Variants in EYS observed in about 807,000 individuals in gnomAD.
The protein encoded by EYS is protein eyes shut homolog.
A neutral mutation model predicts 282.1 loss-of-function variants in EYS; 250 were observed. The ratio of observed to expected loss-of-function variants is 0.89; its 90% confidence interval spans 0.80 to 0.98. The LOEUF is 0.98. EYS is among the 50% of genes least tolerant of loss of function. The pLI is 0.00. For missense variants in EYS, 4,016 were observed against 3,709.0 expected, an observed-to-expected ratio of 1.08 and a Z score of -2.15; for synonymous variants, 1,355 against 1,282.9, an observed-to-expected ratio of 1.06 and a Z score of -1.20.
intron 35 of EYS, among the ~76,000 whole-genome samples, chr6:63,909,767 G>A (rs1773869026): frequency 6.6e-6 from 1 of 152,138 alleles, no homozygotes; most frequent in African/African-American, 2.4e-5. Context: ...TGGTGTCTGA[G>A]CCACCCCCAG....
At chr6:64,206,527 C>A (rs1017759516) in intron 31 of EYS, among the ~76,000 whole-genome samples, 2 of 152,068 alleles carry the variant, frequency 1.3e-5, no homozygotes, top group Admixed American at 1.3e-4. Flanking sequence ...TGACTTTTGT[C>A]ATATTTGCAA....
chr6:64,716,766 A>T (rs78851489), intron 22 of EYS, among the ~76,000 whole-genome samples: 2 of 151,558 alleles, frequency 1.3e-5, no homozygotes, highest in African/African-American at 2.4e-5. Context: ...TTACGTTGAT[A>T]TTTTTTTTTC....
chr6:63,928,622 A>G (rs1162176627), intron 35 of EYS, among the ~76,000 whole-genome samples: 1 of 151,972 alleles, frequency 6.6e-6, no homozygotes, highest in Non-Finnish European at 1.5e-5. Context: ...ATTCTATCTC[A>G]CTTTAAATGG....
chr6:65,313,491 C>T (rs140526986), intron 11 of EYS, among the ~76,000 whole-genome samples: 3 of 151,318 alleles, frequency 2.0e-5, no homozygotes, highest in African/African-American at 2.4e-5. Context: ...CCTCCAAATA[C>T]GGTCTTTCTG....
intron 8 of EYS, among the ~76,000 whole-genome samples, chr6:65,370,257 T>TC (rs1491581457): frequency 1.1e-4 from 7 of 64,076 alleles, no homozygotes; most frequent in South Asian, 1.3e-3. Context: ...TTTCTCTCTC[T>TC]TTTTTTTTTT....
chr6:65,658,036 T>G (rs1464348595), intron 1 of EYS, among the ~76,000 whole-genome samples: 1 of 151,824 alleles, frequency 6.6e-6, no homozygotes, highest in Admixed American at 6.6e-5. Flanking sequence ...ATATGCACAT[T>G]GTTTTTTAGG....
chr6:64,700,036 T>C (rs1194883283), intron 22 of EYS, among the ~76,000 whole-genome samples: 1 of 151,946 alleles, frequency 6.6e-6, no homozygotes, highest in Non-Finnish European at 1.5e-5. Context: ...TAATATACCA[T>C]AATCAAGTGG....
intron 5 of EYS, among the ~76,000 whole-genome samples, chr6:65,410,539 T>C (rs1766946887): frequency 6.6e-6 from 1 of 151,606 alleles, no homozygotes; most frequent in Non-Finnish European, 1.5e-5. Flanking sequence ...CTACCCATTT[T>C]CCCTCTTCCT....
intron 12 of EYS, among the ~76,000 whole-genome samples, chr6:65,229,589 G>C (rs1276060528): frequency 6.6e-6 from 1 of 152,050 alleles, no homozygotes; most frequent in South Asian, 2.1e-4. Flanking sequence ...TCTAATGTAA[G>C]AGAAGACAAG....
At chr6:63,807,925 T>A (rs1770946764) in intron 36 of EYS, among the ~76,000 whole-genome samples, 1 of 152,160 alleles carries the variant, frequency 6.6e-6, no homozygotes, top group Admixed American at 6.5e-5. Context: ...TTAAAAACTA[T>A]GAAAATAGAA....
At chr6:64,596,917 C>T (rs560182077) in intron 24 of EYS, among the ~76,000 whole-genome samples, 4 of 152,186 alleles carry the variant, frequency 2.6e-5, no homozygotes, top group South Asian at 4.1e-4. Context: ...ACAGAGTGAA[C>T]AGATAACCTG....
chr6:63,721,264 G>A lies in EYS; in HGVS notation c.8767C>T (p.His2923Tyr), dbSNP rs1459462934. ...SVSCLNNLCL[H>Y]QSLCIPDQSF... ...TGGTCAGGTATACATAAAGATTGGT[G>A]GAGGCAAAGATTATTCAAACAGGAC... Residue 2923 changes from histidine to tyrosine, a missense_variant, in exon 43 of 43, where the codon CAC becomes TAC. By Grantham distance (83) the His-to-Tyr change is moderately conservative (BLOSUM62 2). Coordinates refer to ENST00000503581, the MANE Select transcript of EYS (RefSeq NM_001142800.2). The A allele has an allele frequency of 6.4e-7, 1 of 1,551,784 alleles. No individual in the cohort carries two copies. The highest frequency in any genetic ancestry group is 1.4e-5 in the African/African-American group (1 of 73,034).
chr6:65,415,196 G>T (rs1472275696), intron 5 of EYS, among the ~76,000 whole-genome samples: 1 of 152,016 alleles, frequency 6.6e-6, no homozygotes, highest in Non-Finnish European at 1.5e-5. Flanking sequence ...AAGAGGAAAT[G>T]AGAAGAATAA....
At chr6:64,259,619 C>T (rs1767514511) in intron 30 of EYS, among the ~76,000 whole-genome samples, 1 of 151,088 alleles carries the variant, frequency 6.6e-6, no homozygotes, top group Non-Finnish European at 1.5e-5. Context: ...CCAACCTACC[C>T]CCTACTCTCT....
At chr6:64,215,598 G>T (rs931517187) in intron 31 of EYS, among the ~76,000 whole-genome samples, 1 of 151,800 alleles carries the variant, frequency 6.6e-6, no homozygotes, top group Non-Finnish European at 1.5e-5. Context: ...AAATACCAAG[G>T]TATTTGCCAA....
intron 30 of EYS, among the ~76,000 whole-genome samples, chr6:64,294,117 T>C (rs1279253431): frequency 2.0e-5 from 3 of 151,650 alleles, no homozygotes; most frequent in Non-Finnish European, 2.9e-5. Context: ...TACACAGATA[T>C]AATTAGTATC....
intron 12 of EYS, among the ~76,000 whole-genome samples, chr6:65,211,869 G>A (rs1012885686): frequency 2.6e-5 from 4 of 151,848 alleles, no homozygotes; most frequent in African/African-American, 7.3e-5. Flanking sequence ...GAATAGGCTC[G>A]AATATCACTC....
intron 29 of EYS, among the ~76,000 whole-genome samples, chr6:64,315,649 C>G (rs1443631047): frequency 1.4e-5 from 2 of 144,632 alleles, no homozygotes; most frequent in Admixed American, 7.1e-5. Context: ...CAAAGAGGAG[C>G]TGGTACCATT....
At chr6:64,668,104 T>C (rs1391315138) in intron 22 of EYS, among the ~76,000 whole-genome samples, 3 of 152,174 alleles carry the variant, frequency 2.0e-5, no homozygotes, top group African/African-American at 7.2e-5. Context: ...TATAGAATAT[T>C]TGGAAATATT....
Sources: gnomAD v4.1 joint callset for allele counts (sites outside exome capture counted in the v4.1 genomes callset) on GRCh38, gnomAD v4.1.1 for gene constraint, MANE v1.5 for transcripts, NCBI Gene and HGNC (gene_info 2026-07-23, HGNC 2026-07-21) for gene names.